CEMIP2: variants seen among roughly 807,000 people sequenced by gnomAD.
CEMIP2 encodes cell migration inducing hyaluronidase 2, also known as cell surface hyaluronidase CEMIP2.
CEMIP2 carries 79 observed loss-of-function variants against 146.9 expected under a neutral mutation model. The observed-to-expected ratio is 0.54, with a 90% CI of 0.45 to 0.65. The LOEUF (loss-of-function observed/expected upper bound fraction) is 0.65. Among genes scored for constraint, CEMIP2 ranks in the 30% least tolerant of loss-of-function variants. The pLI is 0.00. For missense variants in CEMIP2, 1,596 were observed against 1,696.2 expected (o/e 0.94, Z 1.04); for synonymous variants, 601 against 606.3 (o/e 0.99, Z 0.13).
intron 17 of CEMIP2, among the ~76,000 whole-genome samples, chr9:71,707,331 CT>C (rs78919192): frequency 0.15 from 21,956 of 147,068 alleles, 2,085 homozygotes; most frequent in African/African-American, 0.26. Flanking sequence ...GCAAGTATTA[CT>C]TTTTTTTTTT....
At chr9:71,748,420 C>A (rs537036191) in intron 2 of CEMIP2, among the ~76,000 whole-genome samples, 1 of 152,324 alleles carries the variant, frequency 6.6e-6, no homozygotes, top group South Asian at 2.1e-4. Flanking sequence ...CATACCAGAT[C>A]TTTCCACTGA....
rs1170884459 is a variant in CEMIP2, at chr9:71,768,439, C to CG, written c.-96dup. 1 of 152,258 alleles carries CG rather than the reference C, an allele frequency of 6.6e-6. No homozygotes were observed. Among genetic ancestry groups the CG allele is most frequent in the Non-Finnish European group, 1.5e-5 (1 of 68,118 alleles). The allele number at this position is 152,258 out of a possible 1,614,324, so 9.4% of individuals were successfully genotyped here. A position where few individuals can be genotyped will look rare whatever the true frequency, so the allele number is the denominator to read the frequency against. ...GACGGAGAGGAGTCCCTGGCGTCCT[C>CG]GGGTCCAGATCTCCTCTCCATGGCC... On this transcript the variant is annotated 5_prime_UTR_variant, in exon 1 of 24. The change abolishes the stop of an existing upstream ORF in the 5' untranslated region. Transcript: ENST00000377044.
intron 8 of CEMIP2, 85 bp downstream of exon 8, chr9:71,730,620 A>C: frequency 7.2e-7 from 1 of 1,380,342 alleles, no homozygotes; most frequent in Admixed American, 2.0e-5. Context: ...TAAACAGTTT[A>C]CATATATAAA....
At chr9:71,694,111 ATTT>A (rs1405441167) in intron 21 of CEMIP2, among the ~76,000 whole-genome samples, 2 of 71,350 alleles carry the variant, frequency 2.8e-5, no homozygotes, top group African/African-American at 5.7e-5. Context: ...TTATTTATTT[ATTT>A]ATTTATTTAT....
intron 19 of CEMIP2, among the ~76,000 whole-genome samples, chr9:71,698,770 C>A (rs1020096142): frequency 1.3e-5 from 2 of 152,100 alleles, no homozygotes; most frequent in African/African-American, 4.8e-5. Context: ...ATGAACAGTC[C>A]ATCCCACCCA....
intron 4 of CEMIP2, among the ~76,000 whole-genome samples, chr9:71,742,668 T>C (rs531182913): frequency 2.2e-4 from 34 of 152,182 alleles, no homozygotes; most frequent in Non-Finnish European, 4.4e-4. Context: ...CTAGAAACAA[T>C]AGTAGCATGA....
intron 1 of CEMIP2, among the ~76,000 whole-genome samples, chr9:71,763,121 C>T (rs1045547205): frequency 6.6e-6 from 1 of 151,012 alleles, no homozygotes; most frequent in Non-Finnish European, 1.5e-5. Context: ...AAACAGGAAT[C>T]AGGCATATGT....
chr9:71,684,682 C>T lies in CEMIP2; in HGVS notation c.*515G>A. The T allele has an allele frequency of 6.5e-6, 1 of 153,068 alleles. No homozygotes were observed. Among genetic ancestry groups the T allele is most frequent in the Non-Finnish European group, 1.5e-5 (1 of 68,288 alleles). 9.5% of individuals were successfully genotyped at this position (153,068 alleles called of 1,614,324 possible). ...AAGGGCATGAGCTGGGCCTGAGTTGCCACTTAAAACTGTCATTCAATATCA... is the reference window on the plus strand; with the variant it reads ...AAGGGCATGAGCTGGGCCTGAGTTGTCACTTAAAACTGTCATTCAATATCA... On this transcript the variant is annotated 3_prime_UTR_variant, in exon 24 of 24. Transcript: ENST00000377044.
rs373730888 is a variant in CEMIP2, at chr9:71,730,041, T to C, written c.1979+7A>G. On this transcript the variant is annotated splice_region_variant and intron_variant, in intron 9 of 23. Transcript: ENST00000377044. ...CTCATGGGTTTTTCTCTCCGCCAAT[T>C]ACTCACATACAGTCAGTAGCAGGCA... 4 of 1,614,008 alleles carry C rather than the reference T, an allele frequency of 2.5e-6. No homozygotes were observed. The highest frequency in any genetic ancestry group is 2.7e-5 in the African/African-American group (2 of 74,902).
In CEMIP2 at chr9:71,750,157, T is replaced by C. The variant is rs375579239; in HGVS notation, c.217A>G (p.Ser73Gly). ...SPEEQQAQRE[S>G]QKQKRHKNTF... is the part of the protein sequence containing the mutation. Reference sequence around the variant, plus strand: ...TTTTTGTGTCTCTTTTGCTTTTGACTTTCTCTCTGGGCTTGCTGTTCTTCA... The same window carrying C: ...TTTTTGTGTCTCTTTTGCTTTTGACCTTCTCTCTGGGCTTGCTGTTCTTCA... Residue 73 changes from serine (S) to glycine (G), a missense_variant, in exon 2 of 24, where the codon AGT becomes GGT. Physicochemically the swap from Ser to Gly is moderately conservative, Grantham distance 56. Transcript: ENST00000377044. 44 of 1,614,058 alleles carry C rather than the reference T, an allele frequency of 2.7e-5. No homozygotes were observed. The highest frequency in any genetic ancestry group is 3.5e-5 in the Non-Finnish European group (41 of 1,180,020).
chr9:71,694,034 G>A (rs146394986), intron 21 of CEMIP2, among the ~76,000 whole-genome samples: 33 of 152,312 alleles, frequency 2.2e-4, no homozygotes, highest in African/African-American at 7.9e-4. Flanking sequence ...CACTCAATTT[G>A]CTGGTGCCTT....
intron 19 of CEMIP2, among the ~76,000 whole-genome samples, chr9:71,699,708 T>C (rs1320037998): frequency 6.6e-6 from 1 of 152,134 alleles, no homozygotes; most frequent in East Asian, 1.9e-4. Flanking sequence ...TGTTCTACCA[T>C]GCCCCCATGC....
At chr9:71,765,011 T>C (rs983929657) in intron 1 of CEMIP2, among the ~76,000 whole-genome samples, 9 of 151,896 alleles carry the variant, frequency 5.9e-5, no homozygotes, top group Admixed American at 3.3e-4. Flanking sequence ...GGAGAATGGA[T>C]GTTACCGTAC....
chr9:71,717,638 T>C (rs1280508820), intron 13 of CEMIP2, among the ~76,000 whole-genome samples: 3 of 152,138 alleles, frequency 2.0e-5, no homozygotes, highest in African/African-American at 7.2e-5. Context: ...AAGATCCAGG[T>C]AGTTTTATTT....
At chr9:71,728,193 T>TTCTCTC (rs369654117) in intron 10 of CEMIP2, among the ~76,000 whole-genome samples, 375 of 29,576 alleles carry the variant, frequency 0.013, 27 homozygotes, top group Non-Finnish European at 0.015. Context: ...CAGCGAAACC[T>TTCTCTC]TCTCTCTCTC....
rs1302552858 is a variant in CEMIP2 at position 71,698,353 on chromosome 9, T to C, written c.3378-149A>G. 3 of 672,862 alleles carry C rather than the reference T, an allele frequency of 4.5e-6. No homozygotes were observed. In the African/African-American group the frequency reaches 5.4e-5, roughly 12 times the overall value. 41.7% of individuals were successfully genotyped at this position (672,862 alleles called of 1,614,324 possible). On this transcript the variant is annotated intron_variant, in intron 19 of 23. Transcript: ENST00000377044. ...ATTACAAAATGAATAGTTATTTCTG[T>C]TTTCTTTCTATCCTTCAAGGGTCCT... is the stretch of plus-strand genomic sequence containing the variant.
rs760390563 is a variant in CEMIP2, at chr9:71,698,152, A to G, written c.3430T>C (p.Cys1144Arg). 2.5e-6 allele frequency: 4 copies of G among 1,614,180 alleles called. No individual in the cohort carries two copies. The highest frequency in any genetic ancestry group is 3.4e-6 in the Non-Finnish European group (4 of 1,180,032). ...ACTCTTTCACATCCCTGAGATGAAC[A>G]GTAACTGTGGCCATGCCTGTGGCTT... is the stretch of plus-strand genomic sequence containing the variant. ...AKSHRHGHSY[C>R]SSQGCERVKI... The change falls in exon 20 of 24, where the codon TGT becomes CGT. Residue 1144 changes from cysteine (C) to arginine (R), a missense_variant. Physicochemically the swap from Cys to Arg is radical, Grantham distance 180. Transcript: ENST00000377044.
chr9:71,721,756 A>G (rs1473663204), intron 12 of CEMIP2, among the ~76,000 whole-genome samples: 1 of 152,210 alleles, frequency 6.6e-6, no homozygotes, highest in Admixed American at 6.5e-5. Flanking sequence ...TAATATGTAC[A>G]CAGGTTCTAC....
At chr9:71,761,715 A>G (rs1824642910) in intron 1 of CEMIP2, among the ~76,000 whole-genome samples, 1 of 152,240 alleles carries the variant, frequency 6.6e-6, no homozygotes, top group Non-Finnish European at 1.5e-5. Flanking sequence ...AGTACAAAAA[A>G]TAAACATGGT....
Sources: allele counts gnomAD v4.1 joint callset (sites outside exome capture counted in the v4.1 genomes callset), GRCh38; gene constraint gnomAD v4.1.1; transcripts MANE v1.5; gene names NCBI Gene and HGNC (gene_info 2026-07-23, HGNC 2026-07-21).